The following FRS2 variants were observed in gnomAD, a reference collection of about 807,000 sequenced individuals.
FRS2 encodes FGFR signalling adaptor.
Under a neutral mutation model 43.9 loss-of-function variants are expected in FRS2, and 8 were observed. The ratio of observed to expected loss-of-function variants is 0.18; its 90% CI spans 0.11 to 0.33. The LOEUF (loss-of-function observed/expected upper bound fraction) is 0.33, where lower values mean the gene tolerates loss of function less well. FRS2 is among the 10% of genes least tolerant of loss of function. The probability of loss-of-function intolerance (pLI) is 1.00; values close to 1 mark genes in which losing one functional copy is unlikely to be tolerated. For synonymous variants in FRS2, 219 were observed against 220.3 expected, an observed-to-expected ratio of 0.99 and a Z score of 0.05; for missense variants, 534 against 627.6, an observed-to-expected ratio of 0.85 and a Z score of 1.59.
intron 1 of FRS2, among the ~76,000 whole-genome samples, chr12:69,529,273 A>G (rs1297028812): frequency 2.6e-5 from 4 of 152,142 alleles, no homozygotes; most frequent in Non-Finnish European, 5.9e-5. Flanking sequence ...TAATATGAAT[A>G]TCTTTTGAAA....
rs764065492 is a variant in FRS2, at chr12:69,569,079, C to G, written c.49C>G (p.His17Asp). ...AGATAAAGACACTGTCCCAGATAACCATCGGAACAAGTTTAAGGTCAGTAA... is the reference window on the plus strand; with the variant it reads ...AGATAAAGACACTGTCCCAGATAACGATCGGAACAAGTTTAAGGTCAGTAA... ...CPDKDTVPDN[H>D]RNKFKVINVD... The change falls in exon 5 of 9, where the codon CAT becomes GAT. Residue 17 changes from histidine (H) to aspartate (D), a missense_variant. Physicochemically the swap from His to Asp is moderately conservative, Grantham distance 81 (BLOSUM62 -1). This residue lies in a region of FRS2 where 76 missense variants were observed against 90.5 expected (regional missense o/e 0.84). Transcript: ENST00000549921. 13 of 1,610,340 alleles carry G rather than the reference C, an allele frequency of 8.1e-6. No homozygotes were observed. In the Admixed American group the frequency reaches 1.3e-4, roughly 17 times the overall value.
intron 4 of FRS2, among the ~76,000 whole-genome samples, chr12:69,565,045 G>A (rs553536781): frequency 2.6e-5 from 4 of 152,278 alleles, no homozygotes; most frequent in East Asian, 1.9e-4. Flanking sequence ...CTGCGCAAAC[G>A]TCATAGAGTG....
intron 4 of FRS2, among the ~76,000 whole-genome samples, chr12:69,562,717 C>T (rs187090484): frequency 6.6e-6 from 1 of 151,700 alleles, no homozygotes; most frequent in Non-Finnish European, 1.5e-5. Context: ...TGAGACAGAG[C>T]CTTGCTTTGT....
intron 3 of FRS2, among the ~76,000 whole-genome samples, chr12:69,536,567 T>G (rs1294693031): frequency 3.9e-5 from 5 of 127,108 alleles, no homozygotes; most frequent in South Asian, 2.9e-4. Flanking sequence ...AGATTTAGTT[T>G]TTTTTTTTTT....
At chr12:69,499,124 C>T (rs1873195971) in intron 1 of FRS2, among the ~76,000 whole-genome samples, 1 of 152,020 alleles carries the variant, frequency 6.6e-6, no homozygotes, top group Non-Finnish European at 1.5e-5. Context: ...TAAAAGCTGG[C>T]AGAGTAGGCA....
chr12:69,525,544 G>A (rs764493402), intron 1 of FRS2, among the ~76,000 whole-genome samples: 42 of 151,966 alleles, frequency 2.8e-4, no homozygotes, highest in Non-Finnish European at 5.4e-4. Context: ...GTCTGCACAC[G>A]GAGTCTTTGT....
intron 1 of FRS2, among the ~76,000 whole-genome samples, chr12:69,516,476 C>T: frequency 6.6e-6 from 1 of 152,094 alleles, no homozygotes; most frequent in Non-Finnish European, 1.5e-5. Flanking sequence ...CCTCAGCCTC[C>T]CAAAGTGCTG....
At chr12:69,506,455 G>A (rs1350082639) in intron 1 of FRS2, among the ~76,000 whole-genome samples, 1 of 151,960 alleles carries the variant, frequency 6.6e-6, no homozygotes, top group Non-Finnish European at 1.5e-5. Flanking sequence ...GATAAATTTG[G>A]GAAGTACTGA....
At chr12:69,559,069 G>A (rs1879667638) in intron 3 of FRS2, among the ~76,000 whole-genome samples, 1 of 152,170 alleles carries the variant, frequency 6.6e-6, no homozygotes, top group African/African-American at 2.4e-5. Flanking sequence ...CCAGCACTTT[G>A]GGAGGCTGAA....
intron 4 of FRS2, among the ~76,000 whole-genome samples, chr12:69,563,124 T>G (rs1260936918): frequency 6.6e-6 from 1 of 152,226 alleles, no homozygotes; most frequent in Non-Finnish European, 1.5e-5. Context: ...ACATGGTTGT[T>G]CCTCAAGTGT....
At chr12:69,517,470 T>A (rs1875175551) in intron 1 of FRS2, among the ~76,000 whole-genome samples, 1 of 152,112 alleles carries the variant, frequency 6.6e-6, no homozygotes, top group Non-Finnish European at 1.5e-5. Context: ...TGTACATTTT[T>A]TTTTTTTTAA....
At chr12:69,481,157 A>G (rs1565714048) in intron 1 of FRS2, among the ~76,000 whole-genome samples, 3 of 152,030 alleles carry the variant, frequency 2.0e-5, no homozygotes, top group African/African-American at 2.4e-5. Context: ...GCATACACAC[A>G]TTTATTTTTT....
In FRS2 at chr12:69,527,343, A is replaced by ATTTTTTTTTTTTTTTTTT. The variant is rs1166365306; in HGVS notation, c.-260-3518_-260-3501dup. On this transcript the variant is annotated intron_variant, in intron 1 of 8. Transcript: ENST00000549921. ...GAGCAAAGTTTTTTTTTTTTTAATG[A>ATTTTTTTTTTTTTTTTTT]TTTTTTTTTTTTTTTTTTTTTAAAG... 5.9e-5 allele frequency among the ~76,000 whole-genome samples: 5 copies of ATTTTTTTTTTTTTTTTTT among 84,234 alleles called. 1 individual carries two copies. The highest frequency in any genetic ancestry group is 1.0e-4 in the African/African-American group (2 of 20,040). The allele number at this position is 84,234 out of a possible 152,430, so 55.3% of individuals were successfully genotyped here. A position where few individuals can be genotyped will look rare whatever the true frequency, so the allele number is the denominator to read the frequency against.
intron 3 of FRS2, among the ~76,000 whole-genome samples, chr12:69,536,233 T>G (rs1877292914): frequency 6.9e-6 from 1 of 145,382 alleles, no homozygotes; most frequent in Admixed American, 7.1e-5. Context: ...CAAGGAATTC[T>G]CGTGCCTCAA....
chr12:69,521,471 GT>G (rs1472860473), intron 1 of FRS2, among the ~76,000 whole-genome samples: 1 of 152,124 alleles, frequency 6.6e-6, no homozygotes, highest in African/African-American at 2.4e-5. Flanking sequence ...GGGCATCCTT[GT>G]TTTGTGCTGG....
intron 8 of FRS2, among the ~76,000 whole-genome samples, chr12:69,573,755 G>A (rs1331274717): frequency 2.6e-5 from 4 of 152,192 alleles, no homozygotes; most frequent in East Asian, 3.8e-4. Flanking sequence ...GGGCCACTGC[G>A]CCCAGCCTGC....
intron 3 of FRS2, among the ~76,000 whole-genome samples, chr12:69,533,276 G>A (rs773914619): frequency 3.9e-5 from 6 of 151,964 alleles, no homozygotes; most frequent in Non-Finnish European, 8.8e-5. Flanking sequence ...AATGTGGAAG[G>A]TCCACCTCTG....
In FRS2 at chr12:69,574,624, C is replaced by T; in HGVS notation, c.1196C>T (p.Thr399Ile). ...AACTATGTAAATACAGAGAATGTAA[C>T]AGTGCCAGCAAGTGCTCACAAAATA... Reference protein sequence around the residue: ...MHNYVNTENVTVPASAHKIEY... With the variant: ...MHNYVNTENVIVPASAHKIEY... The change falls in exon 9 of 9, where the codon ACA (threonine) becomes ATA (isoleucine). Residue 399 changes from threonine (T) to isoleucine (I), a missense_variant. By Grantham distance (89) the Thr-to-Ile change is moderately conservative (BLOSUM62 -1). Around this residue, in one of 3 missense-constraint regions of FRS2, gnomAD observed 446 missense variants for 494.2 expected, o/e 0.90. Coordinates refer to ENST00000549921, the MANE Select transcript of FRS2 (RefSeq NM_001278356.2). The T allele has an allele frequency of 1.2e-6, 2 of 1,614,090 alleles. No individual in the cohort carries two copies. The highest frequency in any genetic ancestry group is 1.7e-6 in the Non-Finnish European group (2 of 1,179,966).
chr12:69,496,119 A>C (rs900829247), intron 1 of FRS2, among the ~76,000 whole-genome samples: 1 of 152,180 alleles, frequency 6.6e-6, no homozygotes, highest in Non-Finnish European at 1.5e-5. Context: ...GTCCTAAAAC[A>C]TATTGTCATG....
Sources: allele counts gnomAD v4.1 joint callset (sites outside exome capture counted in the v4.1 genomes callset), GRCh38; gene constraint gnomAD v4.1.1; regional missense constraint gnomAD v4.1.1; transcripts MANE v1.5; gene names NCBI Gene and HGNC (gene_info 2026-07-23, HGNC 2026-07-21).